The following PRH1 variants were observed in gnomAD, a reference collection of about 807,000 sequenced individuals.
PRH1 encodes the protein proline rich protein HaeIII subfamily 1.
A neutral mutation model predicts 7.9 loss-of-function variants in PRH1; 7 were observed. The observed-to-expected ratio is 0.89, with a 90% CI of 0.50 to 1.67. The LOEUF (loss-of-function observed/expected upper bound fraction) is 1.67, where lower values mean the gene tolerates loss of function less well. PRH1 is among the 40% of genes most tolerant of loss of function. PRH1 has a pLI of 0.00. For synonymous variants in PRH1, 45 were observed against 80.8 expected (o/e 0.56, Z 2.38); for missense variants, 109 against 223.6 (o/e 0.49, Z 3.27).
chr12:10,932,152 G>T (rs780054142), intron 2 of PRH1: 8 of 389,110 alleles, frequency 2.1e-5, no homozygotes, highest in South Asian at 1.4e-4. Flanking sequence ...CTTCCTCACC[G>T]CAGTAAACCA....
At chr12:11,117,692 A>T (rs914404889), downstream of PRH1, among the ~76,000 whole-genome samples, 3 of 152,186 alleles carry the variant, frequency 2.0e-5, no homozygotes, top group Admixed American at 1.3e-4. Flanking sequence ...ACAGAAACCA[A>T]AACAGCATGT....
chr12:11,026,128 T>C (rs1023184575), intron 1 of PRH1, among the ~76,000 whole-genome samples: 13 of 152,218 alleles, frequency 8.5e-5, no homozygotes, highest in African/African-American at 3.1e-4. Flanking sequence ...CTGGAACTCC[T>C]GCGCTCAAGC....
intron 1 of PRH1, chr12:11,021,470 T>A: frequency 2.2e-6 from 1 of 455,994 alleles, no homozygotes; most frequent in Non-Finnish European, 3.9e-6. Flanking sequence ...AACGTTGTTA[T>A]TCACACACAT....
chr12:10,943,369 T>C (rs1431659901), intron 2 of PRH1, among the ~76,000 whole-genome samples: 2 of 152,200 alleles, frequency 1.3e-5, no homozygotes, highest in Non-Finnish European at 2.9e-5. Context: ...TGGTCACATG[T>C]ACGTCTTCTT....
chr12:10,899,286 T>G (rs1949691503), intron 2 of PRH1, among the ~76,000 whole-genome samples: 1 of 152,182 alleles, frequency 6.6e-6, no homozygotes, highest in South Asian at 2.1e-4. Flanking sequence ...TTACATTTTT[T>G]TTTATGTGAG....
intron 1 of PRH1, among the ~76,000 whole-genome samples, chr12:11,140,006 A>G (rs775390317): frequency 2.0e-5 from 3 of 152,012 alleles, no homozygotes; most frequent in East Asian, 1.9e-4. Context: ...ATGTATTTTT[A>G]CTTCAATAAA....
In PRH1 at chr12:10,882,510, G is replaced by A. The variant is rs1288043379; in HGVS notation, c.289C>T (p.Gln97Ter). ...GGACCTTGTTGCTGCTGGCCTCCTT[G>A]TTGGGGTGGTCCTTGTGGCTTTCCC... ...PQGKPQGPPQ[Q>*]GGQQQQGPPP... is the part of the protein sequence containing the mutation. The change falls in exon 3 of 4, where the codon CAA (glutamine) becomes TAA (stop). Residue 97 changes from glutamine to a stop codon, truncating the protein, a stop_gained. Transcript: ENST00000543626. LOFTEE classifies it low-confidence loss of function (END_TRUNC). The A allele has an allele frequency of 3.5e-6, 3 of 869,302 alleles. No homozygotes were observed. Among genetic ancestry groups the A allele is most frequent in the Non-Finnish European group, 5.3e-6 (3 of 570,864 alleles). 53.8% of individuals were successfully genotyped at this position (869,302 alleles called of 1,614,324 possible).
At chr12:10,891,607 C>G (rs921257289) in intron 2 of PRH1, 1 of 152,160 alleles carries the variant, frequency 6.6e-6, no homozygotes, top group Non-Finnish European at 1.5e-5. Flanking sequence ...GGCTGTGTTC[C>G]ATCCTCGTTG....
intron 2 of PRH1, among the ~76,000 whole-genome samples, chr12:10,957,516 T>A (rs1938031554): frequency 6.6e-6 from 1 of 152,140 alleles, no homozygotes; most frequent in South Asian, 2.1e-4. Flanking sequence ...GGCAAAGATT[T>A]CATGGCAAAG....
At chr12:10,946,261 G>T (rs1410606668) in intron 2 of PRH1, among the ~76,000 whole-genome samples, 1 of 152,186 alleles carries the variant, frequency 6.6e-6, no homozygotes, top group Non-Finnish European at 1.5e-5. Context: ...AATTATAAAA[G>T]TATTAATTTG....
chr12:11,007,419 G>T (rs1940880627), intron 1 of PRH1, among the ~76,000 whole-genome samples: 2 of 151,940 alleles, frequency 1.3e-5, no homozygotes, highest in Admixed American at 6.6e-5. Flanking sequence ...TCCCACTCAG[G>T]GTTTTCAGAC....
intron 1 of PRH1, among the ~76,000 whole-genome samples, chr12:11,012,399 C>A (rs550380930): frequency 2.0e-5 from 3 of 152,116 alleles, no homozygotes; most frequent in South Asian, 4.2e-4. Context: ...ATGTATAAAA[C>A]GCAGATGATA....
chr12:11,014,868 CAGA>C (rs1296969049), intron 1 of PRH1, among the ~76,000 whole-genome samples: 2 of 152,042 alleles, frequency 1.3e-5, no homozygotes, highest in South Asian at 2.1e-4. Context: ...ATGAGCGGGG[CAGA>C]AGAAGGCTCT....
At chr12:10,892,263 A>T (rs370007348) in intron 2 of PRH1, among the ~76,000 whole-genome samples, 5 of 152,218 alleles carry the variant, frequency 3.3e-5, no homozygotes. Flanking sequence ...TTTTCCCAAC[A>T]TCCATTCCCA....
chr12:10,905,701 G>C (rs1286919397), intron 2 of PRH1, among the ~76,000 whole-genome samples: 1 of 151,758 alleles, frequency 6.6e-6, no homozygotes, highest in African/African-American at 2.4e-5. Flanking sequence ...AAAAAGTGTG[G>C]TATATATAGA....
At chr12:10,907,734 C>T (rs1047800871) in intron 2 of PRH1, among the ~76,000 whole-genome samples, 1 of 150,648 alleles carries the variant, frequency 6.6e-6, no homozygotes, top group Non-Finnish European at 1.5e-5. Flanking sequence ...GAAATGTGGA[C>T]TAACATGTTG....
intron 1 of PRH1, chr12:10,997,191 G>A (rs1160692028): frequency 6.2e-7 from 1 of 1,614,100 alleles, no homozygotes; most frequent in Admixed American, 1.7e-5. Flanking sequence ...GTCACAGTTT[G>A]CAGAGCTTTT....
At chr12:10,915,037 A>T (rs1348947335) in intron 2 of PRH1, among the ~76,000 whole-genome samples, 1 of 152,172 alleles carries the variant, frequency 6.6e-6, no homozygotes, top group Admixed American at 6.5e-5. Context: ...CTGAGGCAGG[A>T]GAATGGTGTG....
intron 2 of PRH1, among the ~76,000 whole-genome samples, chr12:10,967,624 T>TTTTTG (rs746771062): frequency 2.2e-4 from 33 of 152,374 alleles, no homozygotes; most frequent in South Asian, 4.1e-4. Context: ...TGTGATTAGC[T>TTTTTG]TTTTGTTTTG....
Sources: allele counts gnomAD v4.1 joint callset (sites outside exome capture counted in the v4.1 genomes callset), GRCh38; gene constraint gnomAD v4.1.1; transcripts MANE v1.5; gene names NCBI Gene and HGNC (gene_info 2026-07-23, HGNC 2026-07-21).